LIMCH1: variants seen among roughly 807,000 people sequenced by gnomAD.
LIMCH1 encodes the protein LIM and calponin homology domains 1, also known as LIM and calponin homology domains-containing protein 1.
A neutral mutation model predicts 176.5 loss-of-function variants in LIMCH1; 113 were observed. That is an observed-to-expected ratio of 0.64 (90% CI 0.55 to 0.75). LIMCH1 has a LOEUF of 0.75. Ranked by LOEUF, LIMCH1 falls within the 30% of genes least tolerant of loss-of-function variation. The probability of loss-of-function intolerance (pLI) is 0.00; values close to 1 mark genes in which losing one functional copy is unlikely to be tolerated. For synonymous variants in LIMCH1, 619 were observed against 645.9 expected (o/e 0.96, Z 0.63); for missense variants, 1,674 against 1,814.9 (o/e 0.92, Z 1.41).
intron 1 of LIMCH1, among the ~76,000 whole-genome samples, chr4:41,591,037 C>A (rs944451263): frequency 2.6e-5 from 4 of 152,008 alleles, no homozygotes. Context: ...ATGTAGAAAA[C>A]CTAACCAAAA....
At chr4:41,516,241 G>A (rs1372613824) in intron 2 of LIMCH1, among the ~76,000 whole-genome samples, 1 of 152,150 alleles carries the variant, frequency 6.6e-6, no homozygotes, top group Non-Finnish European at 1.5e-5. Flanking sequence ...GTGGCACTTG[G>A]GAGCCTGGAA....
In LIMCH1 at chr4:41,638,911, AT is replaced by A; in HGVS notation, c.2091-15del. 1.9e-6 allele frequency: 3 copies of A among 1,606,884 alleles called. No homozygotes were observed. Among genetic ancestry groups the A allele is most frequent in the Non-Finnish European group, 1.7e-6 (2 of 1,175,460 alleles). On this transcript the variant is annotated intron_variant, in intron 13 of 31. Coordinates refer to ENST00000503057, the MANE Select transcript of LIMCH1 (RefSeq NM_001330672.2). ...CACTTTCAACTCTGCCAGTCCTCTA[AT>A]TTTTTATTTGATCTTATAGATACGG...
chr4:41,460,024 G>A (rs2065094522), intron 1 of LIMCH1, among the ~76,000 whole-genome samples: 1 of 152,126 alleles, frequency 6.6e-6, no homozygotes, highest in African/African-American at 2.4e-5. Flanking sequence ...TTACCTGGAA[G>A]CCGACTGTCA....
rs537919760 is a variant in LIMCH1, at chr4:41,369,265, G to A, written c.96+8329G>A. Among the ~76,000 whole-genome samples the A allele has an allele frequency of 2.6e-5, 4 of 152,256 alleles. No individual in the cohort carries two copies. In the East Asian group the frequency reaches 7.7e-4, roughly 29 times the overall value. On this transcript the variant is annotated intron_variant, in intron 1 of 26. Coordinates refer to the LIMCH1 transcript ENST00000313860. Reference sequence around the variant, plus strand: ...TTCCAGGAAGCTGGATGGAGGCAAGGAAAGTGAAGAGTGCATCCTTCCCAT... The same window carrying A: ...TTCCAGGAAGCTGGATGGAGGCAAGAAAAGTGAAGAGTGCATCCTTCCCAT...
chr4:41,638,781 A>G, intron 13 of LIMCH1, 151 bp from the exon 14 acceptor site: 1 of 711,604 alleles, frequency 1.4e-6, no homozygotes, highest in Non-Finnish European at 2.5e-6. Flanking sequence ...GCCAATGAAT[A>G]TTGCTAATTG....
At chr4:41,530,290 A>G (rs976887956) in intron 3 of LIMCH1, among the ~76,000 whole-genome samples, 7 of 152,200 alleles carry the variant, frequency 4.6e-5, no homozygotes, top group Non-Finnish European at 8.8e-5. Flanking sequence ...GAGGATAACA[A>G]TGCAATAAAT....
intron 1 of LIMCH1, among the ~76,000 whole-genome samples, chr4:41,421,216 TGGA>T (rs2060580081): frequency 6.6e-6 from 1 of 152,182 alleles, no homozygotes; most frequent in Non-Finnish European, 1.5e-5. Context: ...TATGGTAAAG[TGGA>T]GATCATTGTG....
Position 41,421,077 on chromosome 4 carries a change from A to G in LIMCH1, c.96+60141A>G, listed in dbSNP as rs550474699. On this transcript the variant is annotated intron_variant, in intron 1 of 26. Transcript: ENST00000313860. ...GCCGGCCCCAAGAATCGTATCCCCAAGTAGTGTGGCATACTGGTTAAGGGG... is the reference window on the plus strand; with the variant it reads ...GCCGGCCCCAAGAATCGTATCCCCAGGTAGTGTGGCATACTGGTTAAGGGG... Among the ~76,000 whole-genome samples the G allele has an allele frequency of 2.6e-5, 4 of 152,300 alleles. No homozygotes were observed. The South Asian group carries it at 6.2e-4, about 24-fold the overall frequency.
chr4:41,460,752 C>G (rs938348763), intron 1 of LIMCH1, among the ~76,000 whole-genome samples: 1 of 151,956 alleles, frequency 6.6e-6, no homozygotes, highest in Non-Finnish European at 1.5e-5. Flanking sequence ...GTAGCTGTGT[C>G]CCTTTGGCTT....
intron 31 of LIMCH1, among the ~76,000 whole-genome samples, chr4:41,696,874 A>G (rs1731078367): frequency 6.6e-6 from 1 of 152,194 alleles, no homozygotes. Flanking sequence ...GTTTAGGGGC[A>G]ATCCAGAGCA....
intron 1 of LIMCH1, among the ~76,000 whole-genome samples, chr4:41,584,268 C>T (rs1241645845): frequency 1.3e-5 from 2 of 152,140 alleles, no homozygotes; most frequent in African/African-American, 4.8e-5. Context: ...CTATTTGTCT[C>T]ACATGTCTTG....
At chr4:41,613,405 A>G (rs761674006) in intron 4 of LIMCH1, 61 bp from the exon 5 acceptor site, 31 of 1,443,860 alleles carry the variant, frequency 2.1e-5, no homozygotes, top group Non-Finnish European at 3.0e-5. Context: ...CTGGAGACCC[A>G]TCTTCCTGAT....
At chr4:41,564,245 C>T (rs990029273) in intron 1 of LIMCH1, among the ~76,000 whole-genome samples, 3 of 152,112 alleles carry the variant, frequency 2.0e-5, no homozygotes, top group East Asian at 1.9e-4. Flanking sequence ...AGGTGGTAGA[C>T]CTGGAATTAG....
intron 3 of LIMCH1, among the ~76,000 whole-genome samples, chr4:41,528,972 T>A (rs2076971493): frequency 6.6e-6 from 1 of 152,228 alleles, no homozygotes; most frequent in African/African-American, 2.4e-5. Flanking sequence ...GGTCTGCATT[T>A]CTTCTGCAAC....
upstream of LIMCH1, among the ~76,000 whole-genome samples, chr4:41,360,447 T>C (rs1202422469): frequency 6.6e-6 from 1 of 151,776 alleles, no homozygotes; most frequent in East Asian, 2.0e-4. The surrounding 1 kb of genome is among the most constrained non-coding windows in gnomAD (Gnocchi z 4.5). Flanking sequence ...CGCAGGGACG[T>C]GCGGGGCGGC....
At chr4:41,466,320 A>G (rs1454801074) in intron 1 of LIMCH1, among the ~76,000 whole-genome samples, 1 of 152,182 alleles carries the variant, frequency 6.6e-6, no homozygotes, top group Non-Finnish European at 1.5e-5. Context: ...CTCCACCCCG[A>G]GGACACATTA....
At chr4:41,675,006 G>A (rs896996741) in intron 22 of LIMCH1, among the ~76,000 whole-genome samples, 5 of 152,156 alleles carry the variant, frequency 3.3e-5, no homozygotes, top group Non-Finnish European at 5.9e-5. Context: ...GGAGTGGCAA[G>A]CAGGAAGCAA....
chr4:41,528,619 C>T (rs773742575), intron 3 of LIMCH1, among the ~76,000 whole-genome samples: 17 of 151,970 alleles, frequency 1.1e-4, no homozygotes, highest in Admixed American at 9.8e-4. Flanking sequence ...GGCCACTGAC[C>T]GTCTGTTGAT....
intron 7 of LIMCH1, among the ~76,000 whole-genome samples, chr4:41,622,583 G>A (rs558475404): frequency 6.6e-6 from 1 of 152,120 alleles, no homozygotes; most frequent in Admixed American, 6.5e-5. Context: ...GAAGAGAAGT[G>A]GGGTAAAGGC....
Sources: allele counts gnomAD v4.1 joint callset (sites outside exome capture counted in the v4.1 genomes callset), GRCh38; gene constraint gnomAD v4.1.1; non-coding constraint Gnocchi (gnomAD v3.1); transcripts MANE v1.5; gene names NCBI Gene and HGNC (gene_info 2026-07-23, HGNC 2026-07-21).